The following AP1G2 variants were observed in gnomAD, a reference collection of about 807,000 sequenced individuals.
AP1G2 encodes the protein adaptor related protein complex 1 subunit gamma 2, also known as AP-1 complex subunit gamma-like 2.
A neutral mutation model predicts 95.8 loss-of-function variants in AP1G2; 85 were observed. The observed-to-expected ratio is 0.89, with a 90% CI of 0.74 to 1.06. AP1G2 has a LOEUF of 1.06. Among genes scored for constraint, AP1G2 ranks in the 50% least tolerant of loss-of-function variants. The probability of loss-of-function intolerance (pLI) is 0.00; values close to 1 mark genes in which losing one functional copy is unlikely to be tolerated. For synonymous variants in AP1G2, 378 were observed against 400.0 expected (o/e 0.94, Z 0.66); for missense variants, 967 against 1,005.8 (o/e 0.96, Z 0.52).
Position 23,565,673 on chromosome 14 carries a change from C to T in AP1G2, c.674G>A (p.Arg225Gln), listed in dbSNP as rs1034672515. The change falls in exon 7 of 22, where the codon CGG becomes CAG. Residue 225 changes from arginine (R) to glutamine (Q), a missense_variant. Physicochemically the swap from Arg to Gln is conservative, Grantham distance 43. Coordinates refer to ENST00000397120, the MANE Select transcript of AP1G2 (RefSeq NM_003917.5). ...GGAGTATCCCATTGTCACCAGAGTCCGGAGGATGTGTACCAGCTGGGGTAC... is the reference window on the plus strand; with the variant it reads ...GGAGTATCCCATTGTCACCAGAGTCTGGAGGATGTGTACCAGCTGGGGTAC... ...KVVPQLVHIL[R>Q]TLVTMGYSTE... 18 of 1,614,014 alleles carry T rather than the reference C, an allele frequency of 1.1e-5. No homozygotes were observed. Among genetic ancestry groups the T allele is most frequent in the Middle Eastern group, 3.3e-4 (2 of 6,084 alleles).
intron 20 of AP1G2, 99 bp from the exon 21 acceptor site, chr14:23,560,135 C>T (rs1883458677): frequency 7.6e-6 from 11 of 1,447,060 alleles, no homozygotes; most frequent in African/African-American, 1.4e-5. Flanking sequence ...TGTAACTCCC[C>T]AAGTGCTGAT....
intron 5 of AP1G2, 69 bp downstream of exon 5, chr14:23,565,995 T>A (rs1341542786): frequency 6.2e-7 from 1 of 1,613,100 alleles, no homozygotes; most frequent in Non-Finnish European, 8.5e-7. Context: ...TGAGCTGGGG[T>A]TCCCATCCGA....
At position 23,567,626 on chromosome 14, in the gene AP1G2, C is replaced by G. The variant is rs1888715189; in HGVS notation, c.-6+113G>C. 6 of 1,144,504 alleles carry G rather than the reference C, an allele frequency of 5.2e-6. No homozygotes were observed. In the South Asian group the frequency reaches 1.5e-4, roughly 29 times the overall value. The allele number at this position is 1,144,504 out of a possible 1,614,324, so 70.9% of individuals were successfully genotyped here. On this transcript the variant is annotated intron_variant, in intron 1 of 21. Coordinates refer to ENST00000397120, the MANE Select transcript of AP1G2 (RefSeq NM_003917.5). The surrounding 1 kb of genome is among the most constrained non-coding windows in gnomAD (Gnocchi z 5.3). ...TACCCCATCCCTAGCTCAGCCATTG[C>G]TTTTTTTTCCACGACCCTCCGCTGT...
rs1015933658 is a variant in AP1G2, at chr14:23,562,138, C to T, written c.1629-72G>A. 28 of 1,597,100 alleles carry T rather than the reference C, an allele frequency of 1.8e-5. No homozygotes were observed. The African/African-American group carries it at 1.9e-4, about 11-fold the overall frequency. On this transcript the variant is annotated intron_variant, in intron 16 of 21. Coordinates refer to ENST00000397120, the MANE Select transcript of AP1G2 (RefSeq NM_003917.5). ...GGATGTGGCAAGAAGGAAAGGCCCACGGAGCAGGGAAATACCCAGATTTGG... is the reference window on the plus strand; with the variant it reads ...GGATGTGGCAAGAAGGAAAGGCCCATGGAGCAGGGAAATACCCAGATTTGG...
At chr14:23,565,285 G>A (rs1887277812) in intron 7 of AP1G2, 86 bp from the exon 8 acceptor site, 1 of 1,390,744 alleles carries the variant, frequency 7.2e-7, no homozygotes, top group African/African-American at 1.4e-5. Flanking sequence ...ACATGTGAGG[G>A]TCTGGCTCGC....
Position 23,563,536 on chromosome 14 carries a change from T to C in AP1G2, c.1288-34A>G. The C allele has an allele frequency of 1.9e-6, 3 of 1,614,172 alleles. No homozygotes were observed. In the African/African-American group the frequency reaches 4.0e-5, roughly 22 times the overall value. On this transcript the variant is annotated intron_variant, in intron 13 of 21. Coordinates refer to ENST00000397120, the MANE Select transcript of AP1G2 (RefSeq NM_003917.5). ...TGTGGGCATGGCCAAGTCAGTGTGGTGAATCTTGACCACTTCTGCCCAGCT... is the reference window on the plus strand; with the variant it reads ...TGTGGGCATGGCCAAGTCAGTGTGGCGAATCTTGACCACTTCTGCCCAGCT...
At chr14:23,563,990 C>T (rs1210148400) in intron 11 of AP1G2, 56 bp downstream of exon 11, 32 of 1,609,292 alleles carry the variant, frequency 2.0e-5, no homozygotes, top group Non-Finnish European at 2.6e-5. Context: ...CGAGTCTTGG[C>T]CACAGGGCAC....
intron 7 of AP1G2, 38 bp downstream of exon 7, chr14:23,565,568 C>G (rs555872290): frequency 6.5e-7 from 1 of 1,541,226 alleles, no homozygotes; most frequent in South Asian, 1.1e-5. Flanking sequence ...GCTATGCCCT[C>G]TCTGATCCAG....
In AP1G2 at chr14:23,564,318, A is replaced by G; in HGVS notation, c.977+15T>C. 6.2e-7 allele frequency: 1 copy of G among 1,614,068 alleles called. No homozygotes were observed. ...GATCAGTGGCACAGCCTAGGTAGAC[A>G]GTTGGGACTATTACCTAATGTTCCT... On this transcript the variant is annotated intron_variant, in intron 10 of 21. Coordinates refer to ENST00000397120, the MANE Select transcript of AP1G2 (RefSeq NM_003917.5).
chr14:23,563,223 T>C (rs1162606000), intron 14 of AP1G2, 157 bp downstream of exon 14: 1 of 1,448,614 alleles, frequency 6.9e-7, no homozygotes, highest in East Asian at 2.5e-5. Context: ...AAAGCCCAGA[T>C]GTTCTTAAAA....
rs771181913 is a variant in AP1G2, at chr14:23,560,392, C to T, written c.2020G>A (p.Glu674Lys). The T allele has an allele frequency of 3.7e-6, 6 of 1,613,746 alleles. No individual in the cohort carries two copies. Among genetic ancestry groups the T allele is most frequent in the Non-Finnish European group, 5.1e-6 (6 of 1,179,910 alleles). The stretch of plus-strand genomic sequence containing the variant: ...AGATTCAGCTGTACTCCCTCACGCT[C>T]AAACACTTTGAGATCTGGGATGGGA... ...PAPIPDLKVF[E>K]REGVQLNLSF... is the part of the protein sequence containing the mutation. The change falls in exon 20 of 22, where the codon GAG becomes AAG. Residue 674 changes from glutamate to lysine, a missense_variant. Glu to Lys is a moderately conservative substitution (Grantham distance 56, BLOSUM62 1). Transcript: ENST00000397120.
chr14:23,564,093 C>A lies in AP1G2; in HGVS notation c.1044G>T (p.Arg348=). 1 of 1,614,166 alleles carries A rather than the reference C, an allele frequency of 6.2e-7. No homozygotes were observed. The highest frequency in any genetic ancestry group is 2.2e-5 in the East Asian group (1 of 44,878). Reference sequence around the variant, plus strand: ...CCCGTAGACATTCCACCACAGTGGGCCGATGCCGCTGCACAGCACTGTGAT... The same window carrying A: ...CCCGTAGACATTCCACCACAGTGGGACGATGCCGCTGCACAGCACTGTGAT... ...QSDHSAVQRH[R]PTVVECLRET... The change falls in exon 11 of 22, where the codon CGG becomes CGT. Residue 348 remains arginine (R), a synonymous_variant. Coordinates refer to ENST00000397120, the MANE Select transcript of AP1G2 (RefSeq NM_003917.5).
chr14:23,563,208 G>C, intron 14 of AP1G2, 172 bp downstream of exon 14: 1 of 1,443,502 alleles, frequency 6.9e-7, no homozygotes, highest in Non-Finnish European at 9.1e-7. Context: ...ACCAGAGTCA[G>C]GACAAAAGCC....
intron 17 of AP1G2, 68 bp from the exon 18 acceptor site, chr14:23,561,703 G>A (rs763099074): frequency 5.7e-6 from 9 of 1,586,130 alleles, no homozygotes; most frequent in Non-Finnish European, 7.7e-6. Flanking sequence ...CATCTAGGAT[G>A]AGGACTAGGA....
At position 23,559,991 on chromosome 14, in the gene AP1G2, C is replaced by T; in HGVS notation, c.2203G>A (p.Ala735Thr). 6.2e-7 allele frequency: 1 copy of T among 1,613,008 alleles called. No homozygotes were observed. Among genetic ancestry groups the T allele is most frequent in the East Asian group, 2.2e-5 (1 of 44,878 alleles). ...TGGGTGATAGGAAGGCCACCCCGAG[C>T]TGGAACTGTGTTCCCACTGGGGGCC... ...LQAPSGNTVP[A>T]RGGLPITQLF... The change falls in exon 21 of 22, where the codon GCT becomes ACT. Residue 735 changes from alanine (A) to threonine (T), a missense_variant. Coordinates refer to ENST00000397120, the MANE Select transcript of AP1G2 (RefSeq NM_003917.5).
intron 19 of AP1G2, chr14:23,560,621 T>A (rs951433582): frequency 4.5e-5 from 20 of 439,700 alleles, no homozygotes; most frequent in Middle Eastern, 6.7e-4. Context: ...GAGCCAGTAA[T>A]CCCAGCACTT....
chr14:23,561,891 G>A, intron 17 of AP1G2, 71 bp downstream of exon 17: 1 of 1,533,304 alleles, frequency 6.5e-7, no homozygotes, highest in Non-Finnish European at 8.8e-7. Flanking sequence ...TGAGGCCCTT[G>A]TACCTAGAAA....
Position 23,563,517 on chromosome 14 carries a change from C to A in AP1G2, c.1288-15G>T. On this transcript the variant is annotated splice_polypyrimidine_tract_variant and intron_variant, in intron 13 of 21. Transcript: ENST00000397120. ...TGGGTGCCCGCCTGGAAGGTGTGGG[C>A]ATGGCCAAGTCAGTGTGGTGAATCT... 6.2e-7 allele frequency: 1 copy of A among 1,614,206 alleles called. No homozygotes were observed. The highest frequency in any genetic ancestry group is 1.1e-5 in the South Asian group (1 of 91,070).
intron 14 of AP1G2, chr14:23,563,010 C>A (rs2139202766): frequency 1.9e-6 from 2 of 1,061,464 alleles, no homozygotes; most frequent in Non-Finnish European, 2.4e-6. Flanking sequence ...TTTCTGCCCA[C>A]CCTATTTAAT....
Sources: allele counts gnomAD v4.1 joint callset, GRCh38; gene constraint gnomAD v4.1.1; non-coding constraint Gnocchi (gnomAD v3.1); transcripts MANE v1.5; gene names NCBI Gene and HGNC (gene_info 2026-07-23, HGNC 2026-07-21).